Variants in ZBTB20 observed in about 807,000 individuals in gnomAD.
The protein encoded by ZBTB20 is zinc finger and BTB domain-containing protein 20.
In ZBTB20, 9 loss-of-function variants were observed where a neutral mutation model predicts 56.9. The observed-to-expected ratio is 0.16, with a 90% CI of 0.10 to 0.28. The LOEUF is 0.28. ZBTB20 is among the 10% of genes least tolerant of loss of function. The probability of loss-of-function intolerance (pLI) is 1.00; values close to 1 mark genes in which losing one functional copy is unlikely to be tolerated. For missense variants in ZBTB20, 655 were observed against 1,003.0 expected, an observed-to-expected ratio of 0.65 and a Z score of 4.69; for synonymous variants, 417 against 420.7, an observed-to-expected ratio of 0.99 and a Z score of 0.11.
At chr3:114,721,145 G>A (rs1012574938) in intron 5 of ZBTB20, among the ~76,000 whole-genome samples, 7 of 152,144 alleles carry the variant, frequency 4.6e-5, no homozygotes, top group Admixed American at 1.3e-4. Context: ...TGTGGAATGC[G>A]AAACGGGGTC....
chr3:114,434,489 C>T (rs1386759009), intron 7 of ZBTB20, among the ~76,000 whole-genome samples: 1 of 151,280 alleles, frequency 6.6e-6, no homozygotes, highest in Non-Finnish European at 1.5e-5. Context: ...TTTTGTATTC[C>T]TCTTGGACAC....
At chr3:114,658,804 T>A (rs181338069) in intron 6 of ZBTB20, 1 of 152,356 alleles carries the variant, frequency 6.6e-6, no homozygotes, top group African/African-American at 2.4e-5. Context: ...TTCTAGACAT[T>A]CATCTCTTCC....
chr3:114,348,412 A>C (rs6765191), intron 11 of ZBTB20, among the ~76,000 whole-genome samples: 1 of 152,242 alleles, frequency 6.6e-6, no homozygotes, highest in African/African-American at 2.4e-5. Flanking sequence ...TATTTGATTA[A>C]TTCACCTAAT....
At chr3:114,566,602 T>C (rs1442433790) in intron 6 of ZBTB20, among the ~76,000 whole-genome samples, 1 of 152,202 alleles carries the variant, frequency 6.6e-6, no homozygotes, top group Non-Finnish European at 1.5e-5. Flanking sequence ...ATTCTGCTTT[T>C]ATTAGTCACC....
In ZBTB20 at chr3:114,620,823, G is replaced by A. The variant is rs372370941; in HGVS notation, c.-295+72705C>T. On this transcript the variant is annotated intron_variant, in intron 6 of 11. Coordinates refer to ENST00000675478, the MANE Select transcript of ZBTB20 (RefSeq NM_001348800.3). The stretch of plus-strand genomic sequence containing the variant: ...CATATATAAATGCTAAATGAAGGTA[G>A]ATTTGTAAAATGCTACCAGTGTCAG... Among the ~76,000 whole-genome samples the A allele has an allele frequency of 6.6e-5, 10 of 152,298 alleles. No individual in the cohort carries two copies. In the East Asian group the frequency reaches 1.9e-3, roughly 29 times the overall value.
intron 6 of ZBTB20, among the ~76,000 whole-genome samples, chr3:114,651,426 T>G (rs1016203011): frequency 2.0e-5 from 3 of 152,056 alleles, no homozygotes; most frequent in African/African-American, 7.2e-5. Context: ...AAGCTTATAT[T>G]TGAAAATAAA....
intron 5 of ZBTB20, among the ~76,000 whole-genome samples, chr3:114,779,231 T>C (rs1370382005): frequency 6.6e-6 from 1 of 152,200 alleles, no homozygotes; most frequent in Non-Finnish European, 1.5e-5. Flanking sequence ...AGGATGCATA[T>C]CCTTTCTATA....
At chr3:114,965,694 T>A (rs1207573490) in intron 3 of ZBTB20, among the ~76,000 whole-genome samples, 1 of 152,124 alleles carries the variant, frequency 6.6e-6, no homozygotes, top group African/African-American at 2.4e-5. Context: ...CATGATAACA[T>A]CCATTCTGAC....
chr3:114,990,522 T>A (rs2078756406), intron 2 of ZBTB20, among the ~76,000 whole-genome samples: 1 of 152,148 alleles, frequency 6.6e-6, no homozygotes, highest in South Asian at 2.1e-4. Flanking sequence ...TTATTGAGGA[T>A]TTTTGCATCG....
At chr3:114,395,035 G>A (rs2086212954) in intron 7 of ZBTB20, among the ~76,000 whole-genome samples, 1 of 152,066 alleles carries the variant, frequency 6.6e-6, no homozygotes, top group Admixed American at 6.6e-5. Context: ...GAAATTCAAT[G>A]AGCTTTACTA....
chr3:114,854,705 A>C (rs1247419306), intron 4 of ZBTB20, among the ~76,000 whole-genome samples: 1 of 152,220 alleles, frequency 6.6e-6, no homozygotes, highest in Non-Finnish European at 1.5e-5. Flanking sequence ...AGGGCTATCT[A>C]ATATGTGAAG....
At chr3:115,079,657 G>A (rs1377208206) in intron 1 of ZBTB20, among the ~76,000 whole-genome samples, 1 of 152,166 alleles carries the variant, frequency 6.6e-6, no homozygotes, top group East Asian at 1.9e-4. Flanking sequence ...GCCTCCCAAA[G>A]TGCAGGGATT....
At chr3:114,950,889 A>T (rs1313450935) in intron 3 of ZBTB20, among the ~76,000 whole-genome samples, 1 of 152,192 alleles carries the variant, frequency 6.6e-6, no homozygotes, top group African/African-American at 2.4e-5. Context: ...TAAATGCAAC[A>T]TAATATAAAT....
chr3:114,827,858 C>T (rs973873820), intron 4 of ZBTB20, among the ~76,000 whole-genome samples: 1 of 151,606 alleles, frequency 6.6e-6, no homozygotes. Context: ...AAGATATCTC[C>T]AGCAGACCCT....
chr3:114,907,655 G>T (rs950748453), intron 3 of ZBTB20, among the ~76,000 whole-genome samples: 6 of 151,736 alleles, frequency 4.0e-5, no homozygotes, highest in Non-Finnish European at 8.8e-5. Flanking sequence ...GCTAGAATCT[G>T]GTTTATTTTC....
rs541025118 is a variant in ZBTB20 at position 115,095,006 on chromosome 3, T to C, written c.-702-23592A>G. Among the ~76,000 whole-genome samples, 58 of 152,202 alleles carry C rather than the reference T, an allele frequency of 3.8e-4. 1 individual carries two copies. Among genetic ancestry groups the C allele is most frequent in the African/African-American group, 1.3e-3 (55 of 41,566 alleles). On this transcript the variant is annotated intron_variant, in intron 1 of 11. Coordinates refer to ENST00000675478, the MANE Select transcript of ZBTB20 (RefSeq NM_001348800.3). ...GTAAATCCTTACATTAGTAATGTAA[T>C]ATAAAAACTTTCAAATAGATTGACC...
intron 4 of ZBTB20, among the ~76,000 whole-genome samples, chr3:114,820,542 A>G (rs2108915195): frequency 6.6e-6 from 1 of 152,244 alleles, no homozygotes; most frequent in Middle Eastern, 3.4e-3. Flanking sequence ...CATCCTTTCA[A>G]CAAGTGTACA....
chr3:115,116,536 C>G (rs1050875904), intron 1 of ZBTB20, among the ~76,000 whole-genome samples: 2 of 151,938 alleles, frequency 1.3e-5, no homozygotes, highest in African/African-American at 4.8e-5. Flanking sequence ...AACTATATCA[C>G]AGAACTGTTT....
chr3:115,120,746 C>T (rs2084162168), intron 1 of ZBTB20, among the ~76,000 whole-genome samples: 1 of 152,050 alleles, frequency 6.6e-6, no homozygotes, highest in African/African-American at 2.4e-5. Flanking sequence ...GAACTAGAAA[C>T]TCATGCCTCT....
Sources: allele counts gnomAD v4.1 joint callset (sites outside exome capture counted in the v4.1 genomes callset), GRCh38; gene constraint gnomAD v4.1.1; transcripts MANE v1.5; gene names NCBI Gene and HGNC (gene_info 2026-07-23, HGNC 2026-07-21).